The following RAB36 variants were observed in gnomAD, a reference collection of about 807,000 sequenced individuals.
The protein encoded by RAB36 is ras-related protein Rab-36.
A neutral mutation model predicts 39.3 loss-of-function variants in RAB36; 33 were observed. The ratio of observed to expected loss-of-function variants is 0.84; its 90% CI spans 0.64 to 1.12. The LOEUF (loss-of-function observed/expected upper bound fraction) is 1.12, where lower values mean the gene tolerates loss of function less well. Ranked by LOEUF, RAB36 falls within the 50% of genes most tolerant of loss-of-function variation. The pLI, the probability that RAB36 is intolerant of heterozygous loss-of-function variation, is 0.00. For missense variants in RAB36, 308 were observed against 355.3 expected (o/e 0.87, Z 1.07); for synonymous variants, 133 against 140.2 (o/e 0.95, Z 0.36).
chr22:23,161,132 A>G (rs5759615), intron 10 of RAB36, 134 bp downstream of exon 10: 560,736 of 1,136,568 alleles, frequency 0.49, 139,779 homozygotes, highest in East Asian at 0.63. Flanking sequence ...CCCTCCTCTC[A>G]GGGTGTCACT....
rs567500037 is a variant in RAB36 at position 23,164,421 on chromosome 22, C to G, written c.*2857C>G. On this transcript the variant is annotated 3_prime_UTR_variant, in exon 11 of 11. Coordinates refer to ENST00000263116, the MANE Select transcript of RAB36 (RefSeq NM_004914.5). ...TGGCCTCTCGAACTTTGATATTTGG[C>G]CTGGGAGGACAGAAGAGTAAGGTCG... 4 of 152,326 alleles carry G rather than the reference C, an allele frequency of 2.6e-5. No individual in the cohort carries two copies. The highest frequency in any genetic ancestry group is 6.5e-5 in the Admixed American group (1 of 15,304). 9.4% of individuals were successfully genotyped at this position (152,326 alleles called of 1,614,324 possible).
At chr22:23,159,734 C>G (rs2071670314) in intron 9 of RAB36, among the ~76,000 whole-genome samples, 1 of 152,198 alleles carries the variant, frequency 6.6e-6, no homozygotes, top group Non-Finnish European at 1.5e-5. Flanking sequence ...TAGAGAAGGG[C>G]CCAGTGACAG....
At chr22:23,152,375 G>C in intron 3 of RAB36, 86 bp from the exon 4 acceptor site, 1 of 1,399,336 alleles carries the variant, frequency 7.1e-7, no homozygotes, top group Non-Finnish European at 1.0e-6. Flanking sequence ...CTCACCAGCA[G>C]AGAGCTCAGG....
intron 8 of RAB36, 88 bp from the exon 9 acceptor site, chr22:23,159,075 C>A: frequency 6.3e-7 from 1 of 1,587,128 alleles, no homozygotes; most frequent in East Asian, 2.3e-5. Flanking sequence ...AGGGAGGCAG[C>A]ACAGTGGGAA....
chr22:23,152,976 G>A, intron 4 of RAB36, 57 bp from the exon 5 acceptor site: 17 of 1,256,758 alleles, frequency 1.4e-5, no homozygotes, highest in Non-Finnish European at 2.0e-5. Flanking sequence ...TACAAGTGAA[G>A]CTTCCGGGCA....
At chr22:23,158,424 A>G (rs1382766875) in intron 7 of RAB36, among the ~76,000 whole-genome samples, 2 of 152,148 alleles carry the variant, frequency 1.3e-5, no homozygotes, top group Non-Finnish European at 2.9e-5. Context: ...AAGTGACATG[A>G]ATTTGGCACT....
chr22:23,159,961 A>G (rs994908250), intron 9 of RAB36, among the ~76,000 whole-genome samples: 1 of 152,206 alleles, frequency 6.6e-6, no homozygotes. Context: ...AGGTGTATTT[A>G]CTGAGGAAAA....
rs762397123 is a variant in RAB36, at chr22:23,150,074, G to C, written c.81G>C (p.Pro27=). 6.2e-7 allele frequency: 1 copy of C among 1,609,392 alleles called. No homozygotes were observed. Among genetic ancestry groups the C allele is most frequent in the South Asian group, 1.1e-5 (1 of 90,100 alleles). ...CTGTCTCTTTGCAGTGGTACACGCC[G>C]GAAGCCTGTTTGCAGCTCAGGGAGC... ...VIASFPKWYT[P]EACLQLREHF... The change falls in exon 3 of 11, where the codon CCG becomes CCC. Residue 27 remains proline, a synonymous_variant. Transcript: ENST00000263116.
chr22:23,145,353 G>A (rs1380131051), upstream of RAB36: 2 of 1,601,202 alleles, frequency 1.2e-6, no homozygotes, highest in Non-Finnish European at 1.7e-6. Flanking sequence ...ACTCCAGGCA[G>A]GTTCTCGTTG....
intron 1 of RAB36, 80 bp downstream of exon 1, chr22:23,145,631 G>T: frequency 6.9e-7 from 1 of 1,441,348 alleles, no homozygotes. Flanking sequence ...AGGGCCGCGA[G>T]GGCACAGCGT....
At chr22:23,159,513 C>A (rs1014999200) in intron 9 of RAB36, among the ~76,000 whole-genome samples, 1 of 152,252 alleles carries the variant, frequency 6.6e-6, no homozygotes, top group Non-Finnish European at 1.5e-5. Context: ...CTGTGTCATG[C>A]CGTGCTGGCC....
At position 23,162,047 on chromosome 22, in the gene RAB36, A is replaced by G. The variant is rs1487699981; in HGVS notation, c.*483A>G. 1 of 168,184 alleles carries G rather than the reference A, an allele frequency of 5.9e-6. No homozygotes were observed. Among genetic ancestry groups the G allele is most frequent in the East Asian group, 1.8e-4 (1 of 5,624 alleles). The allele number at this position is 168,184 out of a possible 1,614,324, so 10.4% of individuals were successfully genotyped here. A position where few individuals can be genotyped will look rare whatever the true frequency, so the allele number is the denominator to read the frequency against. ...AAAGTCAGCACCTGAAGGAGAGGCC[A>G]CCTGCCATTCCCCCTGGGAGTTTTC... On this transcript the variant is annotated 3_prime_UTR_variant, in exon 11 of 11. Coordinates refer to ENST00000263116, the MANE Select transcript of RAB36 (RefSeq NM_004914.5).
chr22:23,152,222 G>A (rs571416349), intron 3 of RAB36, among the ~76,000 whole-genome samples: 14 of 152,222 alleles, frequency 9.2e-5, no homozygotes, highest in African/African-American at 2.9e-4. Context: ...CTCAGGATGG[G>A]GACTTTGGCC....
rs116584496 is a variant in RAB36, at chr22:23,151,706, G to C, written c.162-755G>C. ...AGACTACTAGCCTGGGCAACACAGC[G>C]AGACCCTGTCTCTAAAAAAATAATA... On this transcript the variant is annotated intron_variant, in intron 3 of 10. Coordinates refer to ENST00000263116, the MANE Select transcript of RAB36 (RefSeq NM_004914.5). Among the ~76,000 whole-genome samples, 1,025 of 152,278 alleles carry C rather than the reference G, an allele frequency of 6.7e-3. 17 individuals carry two copies. Among genetic ancestry groups the C allele is most frequent in the African/African-American group, 0.023 (955 of 41,536 alleles).
chr22:23,145,818 C>T (rs2070736169), intron 1 of RAB36: 1 of 335,620 alleles, frequency 3.0e-6, no homozygotes, highest in Non-Finnish European at 4.2e-6. Context: ...GAGAGGAGTC[C>T]GGACAGAAAA....
In RAB36 at chr22:23,145,481, C is replaced by T. The variant is rs1415138004; in HGVS notation, c.-83C>T. ...CGCAGGTCCCGCGTGGCTCTCGTTG[C>T]CATGGTGATCGCCGCCGCTGGCTCA... is the stretch of plus-strand genomic sequence containing the variant. On this transcript the variant is annotated 5_prime_UTR_variant, in exon 1 of 11. Coordinates refer to ENST00000263116, the MANE Select transcript of RAB36 (RefSeq NM_004914.5). 6.2e-7 allele frequency: 1 copy of T among 1,608,800 alleles called. No individual in the cohort carries two copies. The highest frequency in any genetic ancestry group is 8.5e-7 in the Non-Finnish European group (1 of 1,179,838).
At chr22:23,155,862 A>C (rs936693115) in intron 5 of RAB36, 106 bp from the exon 6 acceptor site, 1 of 1,009,430 alleles carries the variant, frequency 9.9e-7, no homozygotes, top group Admixed American at 2.9e-5. Context: ...TGCAGCTGGC[A>C]CAGGCCCTTA....
intron 3 of RAB36, among the ~76,000 whole-genome samples, chr22:23,150,397 G>A (rs1205415639): frequency 6.6e-6 from 1 of 151,666 alleles, no homozygotes; most frequent in Non-Finnish European, 1.5e-5. Flanking sequence ...TGCCTCCCGG[G>A]TTCATGCCAT....
intron 3 of RAB36, among the ~76,000 whole-genome samples, chr22:23,150,450 C>T (rs1178745334): frequency 3.3e-5 from 5 of 151,948 alleles, no homozygotes; most frequent in Admixed American, 1.3e-4. Flanking sequence ...TACAGGCGCC[C>T]GCCACCACGC....
Sources: gnomAD v4.1 joint callset for allele counts (sites outside exome capture counted in the v4.1 genomes callset) on GRCh38, gnomAD v4.1.1 for gene constraint, MANE v1.5 for transcripts, NCBI Gene and HGNC (gene_info 2026-07-23, HGNC 2026-07-21) for gene names.